TRDN: variants seen among roughly 807,000 people sequenced by gnomAD.
The protein encoded by TRDN is triadin in skeletal muscle.
A neutral mutation model predicts 149.7 loss-of-function variants in TRDN; 161 were observed. The ratio of observed to expected loss-of-function variants is 1.08; its 90% CI spans 0.95 to 1.23. TRDN has a LOEUF of 1.23. TRDN is among the 50% of genes most tolerant of loss of function. The pLI is 0.00. For synonymous variants in TRDN, 294 were observed against 250.5 expected (o/e 1.17, Z -1.64); for missense variants, 896 against 823.5 (o/e 1.09, Z -1.08).
chr6:123,349,713 G>C (rs547638172), intron 21 of TRDN: 1 of 979,894 alleles, frequency 1.0e-6, no homozygotes, highest in East Asian at 1.1e-4. Context: ...AGTTTTCTCA[G>C]GGAAATCATT....
intron 4 of TRDN, among the ~76,000 whole-genome samples, chr6:123,531,370 T>C: frequency 6.6e-6 from 1 of 152,046 alleles, no homozygotes; most frequent in East Asian, 1.9e-4. Flanking sequence ...ATTCCACAGA[T>C]GGTCTGAGAT....
chr6:123,547,619 G>A (rs545284366), intron 3 of TRDN, among the ~76,000 whole-genome samples: 1 of 151,760 alleles, frequency 6.6e-6, no homozygotes, highest in Non-Finnish European at 1.5e-5. Flanking sequence ...ATACATTATA[G>A]GTTATATATC....
intron 24 of TRDN, among the ~76,000 whole-genome samples, chr6:123,298,246 T>C (rs1458030242): frequency 6.6e-6 from 1 of 152,088 alleles, no homozygotes; most frequent in East Asian, 1.9e-4. Flanking sequence ...GTTGATTCTA[T>C]TTTGTAAAGA....
chr6:123,432,140 T>G (rs1362328297), intron 12 of TRDN, among the ~76,000 whole-genome samples: 1 of 152,170 alleles, frequency 6.6e-6, no homozygotes, highest in African/African-American at 2.4e-5. Context: ...AGTGTAAAGC[T>G]CTAATGGGGT....
chr6:123,446,137 C>CA (rs1352683605), intron 10 of TRDN, among the ~76,000 whole-genome samples: 1 of 147,384 alleles, frequency 6.8e-6, no homozygotes, highest in Admixed American at 6.9e-5. Flanking sequence ...ATCACAAGAA[C>CA]AAAAAACCAA....
At chr6:123,468,607 G>T (rs1240825579) in intron 9 of TRDN, among the ~76,000 whole-genome samples, 1 of 152,120 alleles carries the variant, frequency 6.6e-6, no homozygotes, top group East Asian at 1.9e-4. Context: ...TAAAAATCTT[G>T]TCAAGGTAGG....
At chr6:123,634,048 G>A (rs932522155) in intron 1 of TRDN, among the ~76,000 whole-genome samples, 1 of 152,024 alleles carries the variant, frequency 6.6e-6, no homozygotes, top group African/African-American at 2.4e-5. Context: ...TTTTGTGTGT[G>A]TGCGTGATAA....
intron 19 of TRDN, among the ~76,000 whole-genome samples, chr6:123,369,475 C>A (rs1404927545): frequency 1.3e-5 from 2 of 152,064 alleles, no homozygotes; most frequent in African/African-American, 4.8e-5. Context: ...TGAAGGAAGA[C>A]CCCCACCCTG....
intron 34 of TRDN, 86 bp from the exon 35 acceptor site, chr6:123,259,748 G>T: frequency 2.1e-6 from 2 of 954,428 alleles, no homozygotes; most frequent in South Asian, 1.7e-5. Context: ...TTGGAGATGA[G>T]ACTTAATCTT....
intron 9 of TRDN, among the ~76,000 whole-genome samples, chr6:123,496,607 T>C (rs950705394): frequency 6.6e-6 from 1 of 152,094 alleles, no homozygotes; most frequent in Non-Finnish European, 1.5e-5. Context: ...CTTTTTATAC[T>C]CTGGGCAACA....
At chr6:123,602,736 C>T (rs1368773494) in intron 1 of TRDN, among the ~76,000 whole-genome samples, 4 of 152,018 alleles carry the variant, frequency 2.6e-5, no homozygotes, top group Non-Finnish European at 5.9e-5. Flanking sequence ...TTAGGATAAA[C>T]TTCCCTCTCC....
At chr6:123,331,559 T>C (rs925096428) in intron 23 of TRDN, among the ~76,000 whole-genome samples, 6 of 152,062 alleles carry the variant, frequency 3.9e-5, no homozygotes, top group Non-Finnish European at 8.8e-5. Context: ...TTGGTTTCCA[T>C]GGCTATTCCT....
intron 1 of TRDN, among the ~76,000 whole-genome samples, chr6:123,597,978 G>A (rs935358867): frequency 6.6e-6 from 1 of 151,914 alleles, no homozygotes; most frequent in African/African-American, 2.4e-5. Flanking sequence ...GATGACTTTA[G>A]TTCCTATGAA....
chr6:123,471,465 G>T (rs1007807763), intron 9 of TRDN: 2 of 151,724 alleles, frequency 1.3e-5, no homozygotes, highest in African/African-American at 4.8e-5. Context: ...ACTCTCAAGG[G>T]TTTTTTTTCA....
chr6:123,243,749 T>C (rs1315768912), intron 38 of TRDN, among the ~76,000 whole-genome samples: 1 of 152,034 alleles, frequency 6.6e-6, no homozygotes, highest in Non-Finnish European at 1.5e-5. Flanking sequence ...AATAAACCGG[T>C]AAGTCACAAA....
At chr6:123,243,645 A>G (rs949678366) in intron 38 of TRDN, among the ~76,000 whole-genome samples, 1 of 152,184 alleles carries the variant, frequency 6.6e-6, no homozygotes. Context: ...TACAAAACAC[A>G]TTGGAAACCT....
chr6:123,429,023 C>T (rs1472138160), intron 12 of TRDN: 4 of 151,892 alleles, frequency 2.6e-5, no homozygotes, highest in Non-Finnish European at 5.9e-5. Context: ...GCATTTTTTC[C>T]TACATGTTTA....
At chr6:123,552,144 T>A (rs1781429164) in intron 2 of TRDN, among the ~76,000 whole-genome samples, 1 of 152,124 alleles carries the variant, frequency 6.6e-6, no homozygotes, top group Non-Finnish European at 1.5e-5. Flanking sequence ...TTCAAGTCAT[T>A]CTTAATTGTA....
At chr6:123,316,869 T>C (rs915056993) in intron 23 of TRDN, among the ~76,000 whole-genome samples, 1 of 151,848 alleles carries the variant, frequency 6.6e-6, no homozygotes, top group African/African-American at 2.4e-5. Flanking sequence ...TTTCCTAATT[T>C]GACCAACTTA....
Sources: allele counts gnomAD v4.1 joint callset (sites outside exome capture counted in the v4.1 genomes callset), GRCh38; gene constraint gnomAD v4.1.1; transcripts MANE v1.5; gene names NCBI Gene and HGNC (gene_info 2026-07-23, HGNC 2026-07-21).